PAXIP1: variants seen among roughly 807,000 people sequenced by gnomAD.
The protein encoded by PAXIP1 is PAX-interacting protein 1.
A neutral mutation model predicts 140.6 loss-of-function variants in PAXIP1; 19 were observed. The ratio of observed to expected loss-of-function variants is 0.14; its 90% CI spans 0.09 to 0.20. The LOEUF (loss-of-function observed/expected upper bound fraction) is 0.20. Ranked by LOEUF, PAXIP1 falls within the 10% of genes least tolerant of loss-of-function variation. The pLI, the probability that PAXIP1 is intolerant of heterozygous loss-of-function variation, is 1.00. For missense variants in PAXIP1, 920 were observed against 1,208.6 expected (o/e 0.76, Z 3.54); for synonymous variants, 442 against 444.6 (o/e 0.99, Z 0.07).
At position 154,998,734 on chromosome 7, in the gene PAXIP1, T is replaced by C. The variant is rs1810753753; in HGVS notation, c.132A>G (p.Ala44=). The C allele has an allele frequency of 3.1e-6, 5 of 1,613,218 alleles. 1 individual carries two copies. In the South Asian group the frequency reaches 4.4e-5, roughly 14 times the overall value. Residue 44 remains alanine (A), a synonymous_variant, in exon 2 of 21, where the codon GCA becomes GCG. Coordinates refer to ENST00000404141, the MANE Select transcript of PAXIP1 (RefSeq NM_007349.4). Reference sequence around the variant, plus strand: ...CCTCTGAGATTATGTGTGAGGCTAGTGCATTGTAGGAAACTTCCTTCGCTT... The same window carrying C: ...CCTCTGAGATTATGTGTGAGGCTAGCGCATTGTAGGAAACTTCCTTCGCTT... The part of the protein sequence containing the change: ...AGKAKEVSYN[A]LASHIISEDG...
At chr7:154,977,334 C>T (rs1809627177) in intron 5 of PAXIP1, among the ~76,000 whole-genome samples, 1 of 152,202 alleles carries the variant, frequency 6.6e-6, no homozygotes, top group African/African-American at 2.4e-5. Flanking sequence ...CAGCAATTCT[C>T]TAGCAAACAC....
intron 11 of PAXIP1, 115 bp downstream of exon 11, chr7:154,961,412 T>C (rs1808749228): frequency 1.2e-6 from 1 of 832,404 alleles, no homozygotes; most frequent in Admixed American, 3.1e-5. Flanking sequence ...CAGACTTTGA[T>C]TTCCACAAAT....
Position 154,986,746 on chromosome 7 carries a change from T to C in PAXIP1, c.325-3414A>G, listed in dbSNP as rs1387875663. On this transcript the variant is annotated intron_variant, in intron 4 of 20. Coordinates refer to ENST00000404141, the MANE Select transcript of PAXIP1 (RefSeq NM_007349.4). This position sits in a 1 kb window ranked among gnomAD's most constrained non-coding sequence, Gnocchi z 4.8. The stretch of plus-strand genomic sequence containing the variant: ...TTTCTCAACTTAAAAGAAATGCTTT[T>C]ATTTTACCCCATGACACACTGGGGA... 2.0e-5 allele frequency among the ~76,000 whole-genome samples: 3 copies of C among 152,222 alleles called. No individual in the cohort carries two copies. Among genetic ancestry groups the C allele is most frequent in the Non-Finnish European group, 1.5e-5 (1 of 68,044 alleles).
Position 154,983,270 on chromosome 7 carries a change from C to T in PAXIP1, c.387G>A (p.Gln129=). ...ALVTFYGGDC[Q]LTLNKKCTHL... ...GCGTGCATTTCTTATTGAGGGTTAG[C>T]TGGCAATCTCCCCCATAGAACGTAA... Residue 129 remains glutamine (Q), a synonymous_variant, in exon 5 of 21, where the codon CAG becomes CAA. Transcript: ENST00000404141. 6.2e-7 allele frequency: 1 copy of T among 1,612,994 alleles called. No homozygotes were observed. The highest frequency in any genetic ancestry group is 8.5e-7 in the Non-Finnish European group (1 of 1,179,342).
At chr7:154,995,652 C>G (rs986452401) in intron 2 of PAXIP1, among the ~76,000 whole-genome samples, 3 of 152,108 alleles carry the variant, frequency 2.0e-5, no homozygotes, top group African/African-American at 4.8e-5. Context: ...AGGTTCGAGA[C>G]CAGCCTGGCC....
chr7:154,995,659 G>T (rs891992327), intron 2 of PAXIP1, among the ~76,000 whole-genome samples: 1 of 152,166 alleles, frequency 6.6e-6, no homozygotes, highest in African/African-American at 2.4e-5. Flanking sequence ...AGACCAGCCT[G>T]GCCAACATGG....
intron 4 of PAXIP1, among the ~76,000 whole-genome samples, chr7:154,988,362 A>T (rs1346844865): frequency 6.6e-6 from 1 of 152,196 alleles, no homozygotes; most frequent in Non-Finnish European, 1.5e-5. Context: ...TCCTAAGCTC[A>T]TAGAATCATA....
In PAXIP1 at chr7:154,990,957, C is replaced by G. The variant is rs188187473; in HGVS notation, c.324+49G>C. 1,001 of 1,134,752 alleles carry G rather than the reference C, an allele frequency of 8.8e-4. 3 individuals are homozygous for G. Among genetic ancestry groups the G allele is most frequent in the East Asian group, 3.4e-3 (128 of 37,800 alleles). 70.3% of individuals were successfully genotyped at this position (1,134,752 alleles called of 1,614,324 possible). A position where few individuals can be genotyped will look rare whatever the true frequency, so the allele number is the denominator to read the frequency against. On this transcript the variant is annotated intron_variant, in intron 4 of 20. Transcript: ENST00000404141. ...TCATAAATCCAACCATACAAAAACT[C>G]AGAAGTGTCACATATAAATAACTCA...
rs1809153165 is a variant in PAXIP1 at position 154,968,776 on chromosome 7, C to T, written c.1425G>A (p.Leu475=). The T allele has an allele frequency of 1.4e-6, 1 of 720,410 alleles. No homozygotes were observed. The allele number at this position is 720,410 out of a possible 1,614,324, so 44.6% of individuals were successfully genotyped here. ...QQQLQFPQQQ[L]HPPQQLHRPQ... is the part of the protein sequence containing the mutation. ...GGCGATGCAGCTGCTGTGGAGGATG[C>T]AACTGTTGCTGTGGAAACTGTAGCT... The change falls in exon 7 of 21, where the codon TTG becomes TTA. Residue 475 remains leucine, a synonymous_variant. Transcript: ENST00000404141.
At chr7:154,944,826 C>T (rs1304463177) in intron 20 of PAXIP1, 1 of 152,048 alleles carries the variant, frequency 6.6e-6, no homozygotes, top group Non-Finnish European at 1.5e-5. Flanking sequence ...TCAGTAGCTC[C>T]TACAATAATT....
Position 154,958,143 on chromosome 7 carries a change from C to T in PAXIP1, c.2479-849G>A, listed in dbSNP as rs183062476. ...GCCAGACAAGGTACCAAAACCTACACTCTGCCTCAGCAACATGGTCACATC... is the reference window on the plus strand; with the variant it reads ...GCCAGACAAGGTACCAAAACCTACATTCTGCCTCAGCAACATGGTCACATC... On this transcript the variant is annotated intron_variant, in intron 13 of 20. Coordinates refer to ENST00000404141, the MANE Select transcript of PAXIP1 (RefSeq NM_007349.4). 1.2e-3 allele frequency among the ~76,000 whole-genome samples: 186 copies of T among 152,282 alleles called. 1 individual carries two copies. The highest frequency in any genetic ancestry group is 4.0e-3 in the African/African-American group (168 of 41,550).
intron 20 of PAXIP1, chr7:154,945,825 G>A (rs1255291249): frequency 2.0e-6 from 2 of 983,900 alleles, no homozygotes; most frequent in Non-Finnish European, 1.2e-6. Context: ...AACAGATGAT[G>A]AGCTTTATTT....
intron 5 of PAXIP1, among the ~76,000 whole-genome samples, chr7:154,981,443 CAA>C (rs1179658203): frequency 4.6e-5 from 7 of 151,398 alleles, no homozygotes; most frequent in Admixed American, 2.0e-4. Context: ...ATTGGAAAAG[CAA>C]AAAAAGAGTT....
rs1331860777 is a variant in PAXIP1 at position 154,968,798 on chromosome 7, A to G, written c.1403T>C (p.Leu468Pro). The G allele has an allele frequency of 4.1e-6, 3 of 722,978 alleles. No homozygotes were observed. Among genetic ancestry groups the G allele is most frequent in the Non-Finnish European group, 7.7e-6 (3 of 389,988 alleles). 44.8% of individuals were successfully genotyped at this position (722,978 alleles called of 1,614,324 possible). ...ATGCAACTGTTGCTGTGGAAACTGT[A>G]GCTGTTGCTGTGAAAACTGATGCGG... is the stretch of plus-strand genomic sequence containing the variant. ...AHPHQFSQQQ[L>P]QFPQQQLHPP... is the part of the protein sequence containing the mutation. The change falls in exon 7 of 21, where the codon CTA (leucine) becomes CCA (proline). Residue 468 changes from leucine (L) to proline (P), a missense_variant. Around this residue, in one of 5 missense-constraint regions of PAXIP1, gnomAD observed 133 missense variants for 88.4 expected, o/e 1.50. Transcript: ENST00000404141.
At chr7:154,966,968 C>G (rs1349587728) in intron 8 of PAXIP1, among the ~76,000 whole-genome samples, 1 of 152,142 alleles carries the variant, frequency 6.6e-6, no homozygotes, top group East Asian at 1.9e-4. Flanking sequence ...GGAAAATCCT[C>G]CCCCCTAATT....
chr7:154,969,313 C>T (rs1040855953), intron 6 of PAXIP1, among the ~76,000 whole-genome samples, 187 bp from the exon 7 acceptor site: 5 of 152,162 alleles, frequency 3.3e-5, no homozygotes, highest in African/African-American at 4.8e-5. Flanking sequence ...ACGCCAATAT[C>T]GTAAAGTAAA....
At position 154,986,604 on chromosome 7, in the gene PAXIP1, AT is replaced by A. The variant is rs1477042357; in HGVS notation, c.325-3273del. On this transcript the variant is annotated intron_variant, in intron 4 of 20. Coordinates refer to ENST00000404141, the MANE Select transcript of PAXIP1 (RefSeq NM_007349.4). The surrounding 1 kb of genome is among the most constrained non-coding windows in gnomAD (Gnocchi z 4.8). ...TAATGTATCTTACAACCAAAATAACATTTTTTAGCAACCACAAAATATTAGT... is the reference window on the plus strand; with the variant it reads ...TAATGTATCTTACAACCAAAATAACATTTTTAGCAACCACAAAATATTAGT... Among the ~76,000 whole-genome samples, 3 of 152,154 alleles carry A rather than the reference AT, an allele frequency of 2.0e-5. No homozygotes were observed. Among genetic ancestry groups the A allele is most frequent in the Non-Finnish European group, 4.4e-5 (3 of 68,032 alleles).
At position 155,002,888 on chromosome 7, in the gene PAXIP1, C is replaced by T; in HGVS notation, c.42G>A (p.Arg14=). The change falls in exon 1 of 21, where the codon AGG becomes AGA. Residue 14 remains arginine (R), a synonymous_variant. Coordinates refer to ENST00000404141, the MANE Select transcript of PAXIP1 (RefSeq NM_007349.4). ...CGCCCACCGCGTAATACTTGACCTC[C>T]CTGAACATCTCCTCAGGAACTTTGG... ...QAPKVPEEMF[R]EVKYYAVGDI... The T allele has an allele frequency of 2.1e-6, 3 of 1,412,488 alleles. No individual in the cohort carries two copies. The highest frequency in any genetic ancestry group is 2.8e-6 in the Non-Finnish European group (3 of 1,062,024). The allele number at this position is 1,412,488 out of a possible 1,614,324, so 87.5% of individuals were successfully genotyped here. A position where few individuals can be genotyped will look rare whatever the true frequency, so the allele number is the denominator to read the frequency against.
rs994654550 is a variant in PAXIP1, at chr7:154,956,105, T to G, written c.2550-474A>C. ...AGACGAGTGTCGCTAGAGCTTCCAG[T>G]GTCTTTCACATTCTAGCCCTCTTCA... On this transcript the variant is annotated intron_variant, in intron 14 of 20. Coordinates refer to ENST00000404141, the MANE Select transcript of PAXIP1 (RefSeq NM_007349.4). The surrounding 1 kb of genome is among the most constrained non-coding windows in gnomAD (Gnocchi z 4.2). 6.6e-6 allele frequency among the ~76,000 whole-genome samples: 1 copy of G among 152,246 alleles called. No homozygotes were observed. Among genetic ancestry groups the G allele is most frequent in the Non-Finnish European group, 1.5e-5 (1 of 68,036 alleles).
Sources: allele counts gnomAD v4.1 joint callset (sites outside exome capture counted in the v4.1 genomes callset), GRCh38; gene constraint gnomAD v4.1.1; regional missense constraint gnomAD v4.1.1; non-coding constraint Gnocchi (gnomAD v3.1); transcripts MANE v1.5; gene names NCBI Gene and HGNC (gene_info 2026-07-23, HGNC 2026-07-21).